HDAC9: variants seen among roughly 807,000 people sequenced by gnomAD.
The protein encoded by HDAC9 is MEF-2 interacting transcription repressor (MITR) protein.
HDAC9 carries 41 observed loss-of-function variants against 139.4 expected under a neutral mutation model. That is an observed-to-expected ratio of 0.29 (90% CI 0.23 to 0.38). HDAC9 has a LOEUF of 0.38. Among genes scored for constraint, HDAC9 ranks in the 10% least tolerant of loss-of-function variants. The pLI, the probability that HDAC9 is intolerant of heterozygous loss-of-function variation, is 1.00. For missense variants in HDAC9, 1,147 were observed against 1,297.0 expected, an observed-to-expected ratio of 0.88 and a Z score of 1.78; for synonymous variants, 517 against 476.2, an observed-to-expected ratio of 1.09 and a Z score of -1.12.
At chr7:18,613,400 G>A (rs1430423713) in intron 6 of HDAC9, among the ~76,000 whole-genome samples, 2 of 152,036 alleles carry the variant, frequency 1.3e-5, no homozygotes, top group Non-Finnish European at 2.9e-5. Flanking sequence ...TGGTCACTCT[G>A]AGCACATAGA....
intron 1 of HDAC9, among the ~76,000 whole-genome samples, chr7:18,399,017 T>C (rs1445242347): frequency 1.3e-5 from 2 of 152,206 alleles, no homozygotes; most frequent in Non-Finnish European, 2.9e-5. Flanking sequence ...AATTTCACCT[T>C]ATAGATTTTA....
chr7:18,442,251 T>G (rs1214655083), intron 1 of HDAC9, among the ~76,000 whole-genome samples: 1 of 152,226 alleles, frequency 6.6e-6, no homozygotes, highest in Non-Finnish European at 1.5e-5. Context: ...TTGAGCATTT[T>G]CTACCCCTAT....
intron 16 of HDAC9, among the ~76,000 whole-genome samples, chr7:18,782,127 G>A (rs2520360): frequency 0.77 from 117,005 of 152,008 alleles, 45,737 homozygotes; most frequent in Non-Finnish European, 0.83. Flanking sequence ...TGGCCCTAGC[G>A]TCAGCATAAA....
chr7:18,732,894 C>T (rs200862709), intron 13 of HDAC9, among the ~76,000 whole-genome samples: 10,096 of 38,632 alleles, frequency 0.26, 2,238 homozygotes, highest in East Asian at 0.56. Context: ...CGTATGTGTA[C>T]ACACACACGT....
intron 17 of HDAC9, among the ~76,000 whole-genome samples, chr7:18,794,229 G>T (rs1792581617): frequency 6.6e-6 from 1 of 152,150 alleles, no homozygotes; most frequent in Admixed American, 6.5e-5. Context: ...ACGCAATCTG[G>T]GTCGTGATTG....
At chr7:18,753,228 A>T (rs541174450) in intron 14 of HDAC9, among the ~76,000 whole-genome samples, 1 of 152,226 alleles carries the variant, frequency 6.6e-6, no homozygotes, top group African/African-American at 2.4e-5. Context: ...GTTTTGAGTC[A>T]TTCATTTTAT....
chr7:18,297,317 A>G lies in HDAC9; in HGVS notation c.-42+6802A>G, dbSNP rs1487409440. Among the ~76,000 whole-genome samples the G allele has an allele frequency of 2.6e-5, 4 of 152,314 alleles. No homozygotes were observed. The East Asian group carries it at 5.8e-4, about 22-fold the overall frequency. On this transcript the variant is annotated intron_variant, in intron 1 of 3. Transcript: ENST00000413509. ...ATAGGCTTCCTCGGGCTGTCTTTACAATATATGTTATGGTAGGGGATTATT... is the reference window on the plus strand; with the variant it reads ...ATAGGCTTCCTCGGGCTGTCTTTACGATATATGTTATGGTAGGGGATTATT...
chr7:18,201,701 G>C (rs1370823526), intron 2 of HDAC9, among the ~76,000 whole-genome samples: 1 of 152,218 alleles, frequency 6.6e-6, no homozygotes, highest in Non-Finnish European at 1.5e-5. Flanking sequence ...ACCTTCTGGT[G>C]AGTGTTTCTC....
intron 2 of HDAC9, among the ~76,000 whole-genome samples, chr7:18,247,711 C>A (rs1266567884): frequency 6.6e-6 from 1 of 152,132 alleles, no homozygotes; most frequent in African/African-American, 2.4e-5. Context: ...TGATGCATTT[C>A]TTTGCAAAAT....
chr7:18,622,972 C>T (rs988986906), intron 6 of HDAC9, among the ~76,000 whole-genome samples: 2 of 151,638 alleles, frequency 1.3e-5, no homozygotes, highest in South Asian at 2.1e-4. Flanking sequence ...GGCAAAACCC[C>T]ATCTGTATAA....
intron 2 of HDAC9, among the ~76,000 whole-genome samples, chr7:18,164,858 C>CT (rs1787895449): frequency 6.6e-6 from 1 of 152,186 alleles, no homozygotes; most frequent in Non-Finnish European, 1.5e-5. Context: ...GGAGGAAAGA[C>CT]TATCTGGATA....
At chr7:18,365,269 A>C (rs1049602085) in intron 1 of HDAC9, among the ~76,000 whole-genome samples, 1 of 152,088 alleles carries the variant, frequency 6.6e-6, no homozygotes, top group Non-Finnish European at 1.5e-5. Flanking sequence ...AATAAATTTT[A>C]GATCTAGTGT....
At chr7:18,709,772 A>G (rs1584890348) in intron 12 of HDAC9, among the ~76,000 whole-genome samples, 1 of 152,296 alleles carries the variant, frequency 6.6e-6, no homozygotes, top group East Asian at 1.9e-4. Context: ...CCTGGCCTCA[A>G]GCAATCCTTC....
At chr7:18,484,464 A>G (rs571447580) in intron 1 of HDAC9, among the ~76,000 whole-genome samples, 4 of 152,264 alleles carry the variant, frequency 2.6e-5, no homozygotes, top group South Asian at 4.1e-4. Context: ...ATGTAATGCT[A>G]TAAGCATGTT....
At chr7:18,837,464 T>C (rs1442217589) in intron 21 of HDAC9, among the ~76,000 whole-genome samples, 3 of 152,124 alleles carry the variant, frequency 2.0e-5, no homozygotes, top group Non-Finnish European at 4.4e-5. Context: ...TTCAATATTA[T>C]ATCACATATG....
chr7:18,994,482 T>G (rs1786293607), intron 25 of HDAC9, among the ~76,000 whole-genome samples: 1 of 152,204 alleles, frequency 6.6e-6, no homozygotes, highest in Non-Finnish European at 1.5e-5. Flanking sequence ...CACAACCTCC[T>G]TATCCCAGAC....
chr7:18,900,415 T>C (rs1041065455), intron 22 of HDAC9, among the ~76,000 whole-genome samples: 3 of 152,158 alleles, frequency 2.0e-5, no homozygotes, highest in Non-Finnish European at 4.4e-5. Flanking sequence ...CCCATGTGGC[T>C]AAACACACAA....
At chr7:18,892,409 TAAGA>T (rs1800766385) in intron 22 of HDAC9, among the ~76,000 whole-genome samples, 2 of 152,114 alleles carry the variant, frequency 1.3e-5, no homozygotes, top group Non-Finnish European at 2.9e-5. Flanking sequence ...ATAAAAAAGA[TAAGA>T]AAGGGTCAAA....
intron 17 of HDAC9, among the ~76,000 whole-genome samples, chr7:18,816,228 A>G (rs962200378): frequency 8.5e-5 from 13 of 152,208 alleles, no homozygotes; most frequent in Middle Eastern, 3.2e-3. Context: ...AGACATATGC[A>G]TTTATTTTTA....
Sources: allele counts gnomAD v4.1 joint callset (sites outside exome capture counted in the v4.1 genomes callset), GRCh38; gene constraint gnomAD v4.1.1; transcripts MANE v1.5; gene names NCBI Gene and HGNC (gene_info 2026-07-23, HGNC 2026-07-21).